HS3ST2: variants seen among roughly 807,000 people sequenced by gnomAD.
The protein encoded by HS3ST2 is heparan sulfate-glucosamine 3-sulfotransferase 2.
A neutral mutation model predicts 26.3 loss-of-function variants in HS3ST2; 17 were observed. The observed-to-expected ratio is 0.65, with a 90% CI of 0.44 to 0.97. HS3ST2 has a LOEUF of 0.97. Ranked by LOEUF, HS3ST2 falls within the 50% of genes least tolerant of loss-of-function variation. The pLI, the probability that HS3ST2 is intolerant of heterozygous loss-of-function variation, is 0.00. For synonymous variants in HS3ST2, 237 were observed against 219.2 expected, an observed-to-expected ratio of 1.08 and a Z score of -0.72; for missense variants, 402 against 501.2, an observed-to-expected ratio of 0.80 and a Z score of 1.89.
chr16:22,857,757 C>T (rs2141188001), intron 1 of HS3ST2, among the ~76,000 whole-genome samples: 1 of 152,216 alleles, frequency 6.6e-6, no homozygotes, highest in Non-Finnish European at 1.5e-5. Flanking sequence ...CCATCTGCTT[C>T]CTCTAAGATT....
At chr16:22,898,518 G>A (rs973943169) in intron 1 of HS3ST2, among the ~76,000 whole-genome samples, 4 of 152,206 alleles carry the variant, frequency 2.6e-5, no homozygotes, top group African/African-American at 9.7e-5. Context: ...GGAAGAGCCA[G>A]GGTAAAGTGA....
chr16:22,878,064 A>G (rs543677277), intron 1 of HS3ST2, among the ~76,000 whole-genome samples: 1 of 152,352 alleles, frequency 6.6e-6, no homozygotes, highest in East Asian at 1.9e-4. Flanking sequence ...TTCCTGTATT[A>G]TCAGAGTCCA....
chr16:22,815,137 C>G (rs546993243), intron 1 of HS3ST2, 42 bp downstream of exon 1: 2 of 1,603,288 alleles, frequency 1.2e-6, no homozygotes, highest in South Asian at 1.1e-5. Flanking sequence ...GGTCTCTGAT[C>G]GCTTCCATTG....
chr16:22,828,554 C>T (rs778481096), intron 1 of HS3ST2, among the ~76,000 whole-genome samples: 2 of 152,338 alleles, frequency 1.3e-5, no homozygotes, highest in East Asian at 3.9e-4. Context: ...GCCTTGGCAG[C>T]CTCTTTGCAG....
chr16:22,835,665 G>A (rs1035565927), intron 1 of HS3ST2, among the ~76,000 whole-genome samples: 1 of 152,134 alleles, frequency 6.6e-6, no homozygotes, highest in African/African-American at 2.4e-5. Flanking sequence ...ATATTGAGAA[G>A]TCTTACAAAT....
rs190826563 is a variant in HS3ST2 at position 22,831,872 on chromosome 16, A to G, written c.485+16777A>G. The stretch of plus-strand genomic sequence containing the variant: ...TAGGGACACCCAAGGGGGACTCTGT[A>G]CCTGATTGTGGTGGTGGTCACATGT... On this transcript the variant is annotated intron_variant, in intron 1 of 1. Transcript: ENST00000261374. Among the ~76,000 whole-genome samples, 703 of 152,308 alleles carry G rather than the reference A, an allele frequency of 4.6e-3. 4 individuals are homozygous for G. Among genetic ancestry groups the G allele is most frequent in the Middle Eastern group, 0.014 (4 of 294 alleles).
chr16:22,837,118 A>AG (rs1901268325), intron 1 of HS3ST2, among the ~76,000 whole-genome samples: 1 of 24,242 alleles, frequency 4.1e-5, no homozygotes, highest in East Asian at 2.5e-3. Context: ...ATGCCTATAC[A>AG]GTTTTTTTTT....
chr16:22,893,393 A>G (rs1902156163), intron 1 of HS3ST2, among the ~76,000 whole-genome samples: 2 of 152,192 alleles, frequency 1.3e-5, no homozygotes, highest in South Asian at 4.1e-4. Context: ...GCTAGTGCCT[A>G]TGGGGTTGAG....
chr16:22,902,433 C>T lies in HS3ST2; in HGVS notation c.486-12511C>T, dbSNP rs544285565. 5.9e-5 allele frequency among the ~76,000 whole-genome samples: 9 copies of T among 152,322 alleles called. No homozygotes were observed. The South Asian group carries it at 1.9e-3, about 32-fold the overall frequency. The stretch of plus-strand genomic sequence containing the variant: ...TAGGTATCCTCCCATACCCTTTCTA[C>T]CTTTTGGACCTGCCCTCCGGGAACA... On this transcript the variant is annotated intron_variant, in intron 1 of 1. Coordinates refer to ENST00000261374, the MANE Select transcript of HS3ST2 (RefSeq NM_006043.2).
At chr16:22,865,889 A>G (rs536077397) in intron 1 of HS3ST2, among the ~76,000 whole-genome samples, 1 of 152,316 alleles carries the variant, frequency 6.6e-6, no homozygotes, top group East Asian at 1.9e-4. Flanking sequence ...AGCATGCCTC[A>G]TAATATAATT....
intron 1 of HS3ST2, among the ~76,000 whole-genome samples, chr16:22,880,564 T>C (rs1901975987): frequency 6.6e-6 from 1 of 152,242 alleles, no homozygotes; most frequent in Non-Finnish European, 1.5e-5. Context: ...ATCCCCTATT[T>C]GGCTGGTACC....
At chr16:22,843,835 G>C (rs1209211353) in intron 1 of HS3ST2, among the ~76,000 whole-genome samples, 1 of 152,162 alleles carries the variant, frequency 6.6e-6, no homozygotes, top group East Asian at 1.9e-4. Context: ...TCTGGGGAGG[G>C]TCTGAAGACC....
At chr16:22,815,122 C>T (rs755615445) in intron 1 of HS3ST2, 27 bp downstream of exon 1, 1 of 1,604,920 alleles carries the variant, frequency 6.2e-7, no homozygotes, top group Non-Finnish European at 8.5e-7. Context: ...CCGCTCCGTG[C>T]GCCGGGTCTC....
intron 1 of HS3ST2, among the ~76,000 whole-genome samples, chr16:22,857,343 G>C (rs1221125534): frequency 6.6e-6 from 1 of 152,116 alleles, no homozygotes; most frequent in Non-Finnish European, 1.5e-5. Flanking sequence ...CAAGCTAGAG[G>C]CCTTTTGATT....
At chr16:22,842,049 T>C (rs933957808) in intron 1 of HS3ST2, among the ~76,000 whole-genome samples, 1 of 146,132 alleles carries the variant, frequency 6.8e-6, no homozygotes, top group Non-Finnish European at 1.5e-5. Flanking sequence ...TAATTTCTTT[T>C]TTTCTTTTCT....
chr16:22,848,193 A>T (rs1429296395), intron 1 of HS3ST2, among the ~76,000 whole-genome samples: 2 of 152,216 alleles, frequency 1.3e-5, no homozygotes, highest in African/African-American at 4.8e-5. Context: ...TTGGCGTCAA[A>T]GGAGCCTCTA....
chr16:22,843,147 GATGT>G (rs1219688643), intron 1 of HS3ST2, among the ~76,000 whole-genome samples: 1 of 148,680 alleles, frequency 6.7e-6, no homozygotes. Flanking sequence ...TCTGTGACTA[GATGT>G]ATGTATGTGT....
chr16:22,862,700 G>A (rs1393596456), intron 1 of HS3ST2, among the ~76,000 whole-genome samples: 1 of 152,156 alleles, frequency 6.6e-6, no homozygotes, highest in Non-Finnish European at 1.5e-5. Context: ...TAGGCTCAAG[G>A]GGTATTCAAG....
chr16:22,848,882 G>A (rs1392055347), intron 1 of HS3ST2, among the ~76,000 whole-genome samples: 2 of 152,168 alleles, frequency 1.3e-5, no homozygotes, highest in African/African-American at 4.8e-5. Context: ...CCCTTAGATT[G>A]TTTGCATTCA....
Sources: allele counts gnomAD v4.1 joint callset (sites outside exome capture counted in the v4.1 genomes callset), GRCh38; gene constraint gnomAD v4.1.1; transcripts MANE v1.5; gene names NCBI Gene and HGNC (gene_info 2026-07-23, HGNC 2026-07-21).